Variants in FGD5 observed in about 807,000 individuals in gnomAD.
The protein encoded by FGD5 is FYVE, RhoGEF and PH domain containing 5, also known as FYVE, RhoGEF and PH domain-containing protein 5.
Under a neutral mutation model 133.4 loss-of-function variants are expected in FGD5, and 28 were observed. That is an observed-to-expected ratio of 0.21 (90% CI 0.16 to 0.29). The LOEUF (loss-of-function observed/expected upper bound fraction) is 0.29, where lower values mean the gene tolerates loss of function less well. FGD5 is among the 10% of genes least tolerant of loss of function. FGD5 has a pLI of 1.00. For synonymous variants in FGD5, 810 were observed against 776.5 expected, an observed-to-expected ratio of 1.04 and a Z score of -0.72; for missense variants, 1,858 against 1,895.2, an observed-to-expected ratio of 0.98 and a Z score of 0.36.
chr3:14,832,681 G>A (rs1392305059), intron 1 of FGD5, among the ~76,000 whole-genome samples: 1 of 152,148 alleles, frequency 6.6e-6, no homozygotes, highest in Non-Finnish European at 1.5e-5. Flanking sequence ...GATGTCTATA[G>A]GAATGGTTCT....
intron 1 of FGD5, among the ~76,000 whole-genome samples, chr3:14,827,281 CTTTTTTTTTTTTTTT>C (rs1176016508): frequency 1.9e-5 from 2 of 104,784 alleles, no homozygotes; most frequent in Admixed American, 1.9e-4. Flanking sequence ...TTCTGGTATT[CTTTTTTTTTTTTTTT>C]TTTTTTTTTT....
chr3:14,927,196 C>G (rs1484057464), intron 18 of FGD5, among the ~76,000 whole-genome samples: 1 of 152,258 alleles, frequency 6.6e-6, no homozygotes, highest in Non-Finnish European at 1.5e-5. Context: ...CTTGGGTACC[C>G]GGTAAGCTGC....
chr3:14,890,089 G>A (rs956756126), intron 4 of FGD5, among the ~76,000 whole-genome samples: 2 of 151,934 alleles, frequency 1.3e-5, no homozygotes, highest in African/African-American at 4.8e-5. Context: ...AGCGTTACAC[G>A]ATCATTGCAC....
At chr3:14,903,772 TAACCGAA>T (rs1376025264) in intron 9 of FGD5, among the ~76,000 whole-genome samples, 1 of 152,176 alleles carries the variant, frequency 6.6e-6, no homozygotes. Flanking sequence ...ACAGGATTAT[TAACCGAA>T]GACCCTAGCT....
chr3:14,857,043 CT>C (rs1204272397), intron 1 of FGD5, among the ~76,000 whole-genome samples: 1 of 152,134 alleles, frequency 6.6e-6, no homozygotes, highest in African/African-American at 2.4e-5. Context: ...TGTTGAGGTA[CT>C]TTCCTTCTGC....
rs2036495680 is a variant in FGD5 at position 14,821,288 on chromosome 3, G to A, written c.2217G>A (p.Val739=). 4.3e-6 allele frequency: 7 copies of A among 1,613,988 alleles called. No homozygotes were observed. The highest frequency in any genetic ancestry group is 5.1e-6 in the Non-Finnish European group (6 of 1,179,894). The change falls in exon 1 of 20, where the codon GTG becomes GTA. Residue 739 remains valine (V), a synonymous_variant. Coordinates refer to ENST00000285046, the MANE Select transcript of FGD5 (RefSeq NM_152536.4). ...KRKGVPFSRT[V]SRVESFEDRS... ...AAGGTGTCCCCTTCAGCAGGACGGT[G>A]TCCAGAGTGGAGTCCTTTGAAGACC... is the stretch of plus-strand genomic sequence containing the variant.
intron 1 of FGD5, among the ~76,000 whole-genome samples, chr3:14,855,995 G>A (rs2037270531): frequency 1.3e-5 from 2 of 152,006 alleles, no homozygotes. Context: ...TCTTCTACTA[G>A]TTTTATAGTT....
chr3:14,855,903 T>C (rs754646158), intron 1 of FGD5, among the ~76,000 whole-genome samples: 10 of 152,206 alleles, frequency 6.6e-5, no homozygotes, highest in Non-Finnish European at 1.5e-4. Context: ...TGTTTATTTT[T>C]ACTTTTGTTG....
chr3:14,887,121 G>T (rs1057133317), intron 4 of FGD5, among the ~76,000 whole-genome samples: 4 of 152,168 alleles, frequency 2.6e-5, no homozygotes, highest in Non-Finnish European at 2.9e-5. Flanking sequence ...GTATTGACCT[G>T]TCAGCCATGA....
At chr3:14,898,609 T>G in intron 6 of FGD5, 130 bp from the exon 7 acceptor site, 1 of 717,022 alleles carries the variant, frequency 1.4e-6, no homozygotes, top group Non-Finnish European at 2.3e-6. Context: ...AACCTGGTTT[T>G]GGAGATGAGG....
chr3:14,815,959 T>C (rs1157973491), upstream of FGD5, among the ~76,000 whole-genome samples: 1 of 152,244 alleles, frequency 6.6e-6, no homozygotes, highest in African/African-American at 2.4e-5. Flanking sequence ...TTCTTTTGGC[T>C]TGCCTTGATC....
chr3:14,890,507 G>T (rs2125126350), intron 4 of FGD5, among the ~76,000 whole-genome samples: 1 of 152,256 alleles, frequency 6.6e-6, no homozygotes. Context: ...CTCTCAGATG[G>T]CTGCCAGGAC....
chr3:14,911,917 C>G (rs2038456624), intron 11 of FGD5, among the ~76,000 whole-genome samples: 1 of 151,560 alleles, frequency 6.6e-6, no homozygotes, highest in African/African-American at 2.4e-5. Context: ...CATATGTTTT[C>G]TGAAGAAAAT....
In FGD5 at chr3:14,875,812, A is replaced by G. The variant is rs143647072; in HGVS notation, c.2659-4760A>G. ...GTGGAGGGAGACACTGCTGAGAGAC[A>G]TCTGAGGAGGAGGGAGGTCTCAAGG... On this transcript the variant is annotated intron_variant, in intron 2 of 19. Coordinates refer to ENST00000285046, the MANE Select transcript of FGD5 (RefSeq NM_152536.4). Among the ~76,000 whole-genome samples, 22 of 152,184 alleles carry G rather than the reference A, an allele frequency of 1.4e-4. No individual in the cohort carries two copies. In the East Asian group the frequency reaches 4.3e-3, roughly 29 times the overall value.
At chr3:14,863,286 G>C (rs1427304369) in intron 1 of FGD5, among the ~76,000 whole-genome samples, 2 of 152,210 alleles carry the variant, frequency 1.3e-5, no homozygotes, top group African/African-American at 4.8e-5. Flanking sequence ...TTTTGGGCAG[G>C]AGAAGGGCAC....
chr3:14,882,221 T>G lies in FGD5; in HGVS notation c.2748+1449T>G, dbSNP rs367571674. ...ATTTTTTTTTTAACTTCTCTCTCCC[T>G]TATTTCTGGGCTGACAGCATGACAG... On this transcript the variant is annotated intron_variant, in intron 4 of 19. Coordinates refer to ENST00000285046, the MANE Select transcript of FGD5 (RefSeq NM_152536.4). 66 of 857,188 alleles carry G rather than the reference T, an allele frequency of 7.7e-5. No individual in the cohort carries two copies. The Middle Eastern group carries it at 2.4e-3, about 31-fold the overall frequency. 53.1% of individuals were successfully genotyped at this position (857,188 alleles called of 1,614,324 possible). A position where few individuals can be genotyped will look rare whatever the true frequency, so the allele number is the denominator to read the frequency against.
intron 4 of FGD5, among the ~76,000 whole-genome samples, chr3:14,893,020 T>C (rs2038059675): frequency 6.6e-6 from 1 of 152,188 alleles, no homozygotes; most frequent in African/African-American, 2.4e-5. Flanking sequence ...CCAATATGCA[T>C]TGCTCCACAG....
intron 1 of FGD5, among the ~76,000 whole-genome samples, chr3:14,812,387 G>A (rs116517783): frequency 6.6e-6 from 1 of 152,124 alleles, no homozygotes; most frequent in Non-Finnish European, 1.5e-5. Context: ...AATAAAACTC[G>A]CTTTATAACA....
At chr3:14,905,219 C>T (rs752222310) in intron 9 of FGD5, among the ~76,000 whole-genome samples, 1 of 152,250 alleles carries the variant, frequency 6.6e-6, no homozygotes, top group East Asian at 1.9e-4. Flanking sequence ...TGGTGTACAT[C>T]GTTTCTGGTG....
Sources: allele counts gnomAD v4.1 joint callset (sites outside exome capture counted in the v4.1 genomes callset), GRCh38; gene constraint gnomAD v4.1.1; transcripts MANE v1.5; gene names NCBI Gene and HGNC (gene_info 2026-07-23, HGNC 2026-07-21).